The following FAT4 variants were observed in gnomAD, a reference collection of about 807,000 sequenced individuals.
The protein encoded by FAT4 is protocadherin Fat 4.
Under a neutral mutation model 303.9 loss-of-function variants are expected in FAT4, and 84 were observed. The observed-to-expected ratio is 0.28, with a 90% CI of 0.23 to 0.33. The LOEUF (loss-of-function observed/expected upper bound fraction) is 0.33, where lower values mean the gene tolerates loss of function less well. Ranked by LOEUF, FAT4 falls within the 10% of genes least tolerant of loss-of-function variation. The pLI is 1.00. For missense variants in FAT4, 6,005 were observed against 6,146.8 expected, an observed-to-expected ratio of 0.98 and a Z score of 0.77; for synonymous variants, 2,307 against 2,298.8, an observed-to-expected ratio of 1.00 and a Z score of -0.10.
intron 2 of FAT4, among the ~76,000 whole-genome samples, chr4:125,352,626 T>C (rs1223242988): frequency 6.6e-6 from 1 of 151,752 alleles, no homozygotes; most frequent in Non-Finnish European, 1.5e-5. Flanking sequence ...TTTGTGTACA[T>C]CACAATGAGG....
chr4:125,407,327 C>A (rs1009204122), intron 4 of FAT4, among the ~76,000 whole-genome samples, 186 bp downstream of exon 4: 22 of 152,064 alleles, frequency 1.4e-4, no homozygotes, highest in South Asian at 2.1e-4. Context: ...AAGCAAATGG[C>A]TAAATTTTTT....
At position 125,490,254 on chromosome 4, in the gene FAT4, G is replaced by C. The variant is rs768263965; in HGVS notation, c.13438G>C (p.Val4480Leu). The C allele has an allele frequency of 2.5e-6, 4 of 1,614,002 alleles. No homozygotes were observed. In the East Asian group the frequency reaches 8.9e-5, roughly 36 times the overall value. ...TGGCGTCCTCTGTCCTCAGGGGAAGGTGTGCAAAGCTGGAAGTCCTGCGGG... is the reference window on the plus strand; with the variant it reads ...TGGCGTCCTCTGTCCTCAGGGGAAGCTGTGCAAAGCTGGAAGTCCTGCGGG... The part of the protein sequence containing the change: ...CLGVLCPQGK[V>L]CKAGSPAGHV... The change falls in exon 18 of 18, where the codon GTG (valine) becomes CTG (leucine). Residue 4480 changes from valine to leucine, a missense_variant. Physicochemically the swap from Val to Leu is conservative, Grantham distance 32. Coordinates refer to ENST00000394329, the MANE Select transcript of FAT4 (RefSeq NM_001291303.3).
chr4:125,482,201 A>G (rs115451133), intron 16 of FAT4, among the ~76,000 whole-genome samples: 2 of 152,328 alleles, frequency 1.3e-5, no homozygotes, highest in African/African-American at 4.8e-5. Context: ...ACATTTTGAA[A>G]TTATATGATT....
At position 125,477,451 on chromosome 4, in the gene FAT4, A is replaced by G. The variant is rs1172868401; in HGVS notation, c.12479+117A>G. On this transcript the variant is annotated intron_variant, in intron 14 of 17. Coordinates refer to ENST00000394329, the MANE Select transcript of FAT4 (RefSeq NM_001291303.3). Reference sequence around the variant, plus strand: ...AATCTCTAAAAATACCAAATGATTTACATTGTTTTGAATTTTAAATACTAT... The same window carrying G: ...AATCTCTAAAAATACCAAATGATTTGCATTGTTTTGAATTTTAAATACTAT... The G allele has an allele frequency of 2.1e-5, 20 of 968,528 alleles. No individual in the cohort carries two copies. The South Asian group carries it at 2.1e-4, about 10-fold the overall frequency. The allele number at this position is 968,528 out of a possible 1,614,324, so 60.0% of individuals were successfully genotyped here.
Position 125,407,266 on chromosome 4 carries a change from T to C in FAT4, c.5569+125T>C, listed in dbSNP as rs1255218642. 1.1e-5 allele frequency: 9 copies of C among 847,628 alleles called. No homozygotes were observed. The African/African-American group carries it at 1.6e-4, about 15-fold the overall frequency. 52.5% of individuals were successfully genotyped at this position (847,628 alleles called of 1,614,324 possible). A position where few individuals can be genotyped will look rare whatever the true frequency, so the allele number is the denominator to read the frequency against. On this transcript the variant is annotated intron_variant, in intron 4 of 17. Coordinates refer to ENST00000394329, the MANE Select transcript of FAT4 (RefSeq NM_001291303.3). The stretch of plus-strand genomic sequence containing the variant: ...TCATATACTACTAGTTATAAAAATA[T>C]ATATGCTGGATTGTTGGATCTTTTC...
At position 125,479,989 on chromosome 4, in the gene FAT4, G is replaced by C. The variant is rs567178649; in HGVS notation, c.12604+124G>C. Reference sequence around the variant, plus strand: ...ATTCTAAATATTAAAATATTAAATGGACAATAATTGGTAAAATACAGTGAC... The same window carrying C: ...ATTCTAAATATTAAAATATTAAATGCACAATAATTGGTAAAATACAGTGAC... On this transcript the variant is annotated intron_variant, in intron 15 of 17. Transcript: ENST00000394329. 98 of 698,924 alleles carry C rather than the reference G, an allele frequency of 1.4e-4. No homozygotes were observed. The African/African-American group carries it at 1.7e-3, about 12-fold the overall frequency. The allele number at this position is 698,924 out of a possible 1,614,324, so 43.3% of individuals were successfully genotyped here.
intron 2 of FAT4, among the ~76,000 whole-genome samples, chr4:125,330,199 A>G (rs916084875): frequency 1.0e-4 from 15 of 148,984 alleles, no homozygotes; most frequent in Non-Finnish European, 4.5e-5. Context: ...AGCCTGGACA[A>G]CAACCTCCCA....
At position 125,406,853 on chromosome 4, in the gene FAT4, G is replaced by C. The variant is rs771941754; in HGVS notation, c.5308-27G>C. 6 of 1,607,134 alleles carry C rather than the reference G, an allele frequency of 3.7e-6. 1 individual carries two copies. The South Asian group carries it at 6.6e-5, about 18-fold the overall frequency. ...GAGCAATGCTTTTCTACTTCCAATA[G>C]CTCAGATGCTTGGTCTCTTTTTTTA... On this transcript the variant is annotated intron_variant, in intron 3 of 17. Transcript: ENST00000394329.
rs1156367028 is a variant in FAT4 at position 125,315,909 on chromosome 4, A to G, written c.-81A>G. The stretch of plus-strand genomic sequence containing the variant: ...AGAAATTCGATTCTCCCGGTTCCCC[A>G]CCACCCCTTCCCCGGTGCGCAGTTG... On this transcript the variant is annotated 5_prime_UTR_variant, in exon 1 of 18. Coordinates refer to ENST00000394329, the MANE Select transcript of FAT4 (RefSeq NM_001291303.3). Among the ~76,000 whole-genome samples, 1 of 152,104 alleles carries G rather than the reference A, an allele frequency of 6.6e-6. No individual in the cohort carries two copies. The highest frequency in any genetic ancestry group is 2.4e-5 in the African/African-American group (1 of 41,430).
chr4:125,476,136 C>A (rs1311326818), intron 12 of FAT4, 35 bp from the exon 13 acceptor site: 3 of 1,413,856 alleles, frequency 2.1e-6, no homozygotes, highest in Non-Finnish European at 2.0e-6. Flanking sequence ...GACGGTAGAA[C>A]TCAAAGTTGA....
chr4:125,355,145 A>G (rs1732378042), intron 2 of FAT4, among the ~76,000 whole-genome samples: 2 of 152,042 alleles, frequency 1.3e-5, no homozygotes, highest in Admixed American at 6.6e-5. Flanking sequence ...CCTTCATATG[A>G]GGTATTGACA....
chr4:125,485,388 T>C (rs952934444), intron 16 of FAT4, among the ~76,000 whole-genome samples: 1 of 152,114 alleles, frequency 6.6e-6, no homozygotes, highest in African/African-American at 2.4e-5. Flanking sequence ...TTCCATAAGC[T>C]TTTTTTCTAT....
chr4:125,459,669 G>A (rs1306330632), intron 10 of FAT4, among the ~76,000 whole-genome samples: 1 of 152,050 alleles, frequency 6.6e-6, no homozygotes, highest in Non-Finnish European at 1.5e-5. Flanking sequence ...TTGAGTTCAA[G>A]AGGAATAAAT....
chr4:125,364,569 T>C (rs1732794549), intron 2 of FAT4, among the ~76,000 whole-genome samples: 1 of 151,972 alleles, frequency 6.6e-6, no homozygotes. Flanking sequence ...GGAAGTGATA[T>C]TTAAACTGCG....
chr4:125,448,721 G>A lies in FAT4; in HGVS notation c.7711G>A (p.Ala2571Thr), dbSNP rs1420345578. 2 of 1,613,760 alleles carry A rather than the reference G, an allele frequency of 1.2e-6. No individual in the cohort carries two copies. Among genetic ancestry groups the A allele is most frequent in the Non-Finnish European group, 1.7e-6 (2 of 1,179,902 alleles). The change falls in exon 10 of 18, where the codon GCC (alanine) becomes ACC (threonine). Residue 2571 changes from alanine to threonine, a missense_variant. Transcript: ENST00000394329. The part of the protein sequence containing the change: ...VNKADFPKVR[A>T]KEQTFMFPEN... The stretch of plus-strand genomic sequence containing the variant: ...TAAGGCCGATTTCCCTAAAGTGAGA[G>A]CCAAAGAACAAACGTTCATGTTTCC...
intron 2 of FAT4, among the ~76,000 whole-genome samples, chr4:125,344,464 A>G (rs1175379593): frequency 6.6e-6 from 1 of 152,164 alleles, no homozygotes; most frequent in Non-Finnish European, 1.5e-5. Context: ...AGCATACCTT[A>G]AACACCAATT....
Position 125,318,718 on chromosome 4 carries a change from C to T in FAT4, c.2307C>T (p.Gly769=). 1 of 1,613,922 alleles carries T rather than the reference C, an allele frequency of 6.2e-7. No individual in the cohort carries two copies. The highest frequency in any genetic ancestry group is 1.3e-5 in the African/African-American group (1 of 75,032). ...TGCAAATAGTAGCTACTGATGGTGG[C>T]AATTTACAATCTCCCAACCAGGCAA... ...YQLQIVATDG[G]NLQSPNQAIV... Residue 769 remains glycine (G), a synonymous_variant, in exon 2 of 18, where the codon GGC becomes GGT. Coordinates refer to ENST00000394329, the MANE Select transcript of FAT4 (RefSeq NM_001291303.3).
At chr4:125,435,627 G>A (rs747566481) in intron 8 of FAT4, among the ~76,000 whole-genome samples, 2 of 152,168 alleles carry the variant, frequency 1.3e-5, no homozygotes, top group Non-Finnish European at 2.9e-5. Context: ...TGAAAGGACT[G>A]AGCTATGGAA....
At chr4:125,386,091 C>T (rs1370127246) in intron 2 of FAT4, among the ~76,000 whole-genome samples, 1 of 152,096 alleles carries the variant, frequency 6.6e-6, no homozygotes, top group Non-Finnish European at 1.5e-5. Flanking sequence ...AGTTGGTTCA[C>T]CTCCTTCTTA....
Sources: gnomAD v4.1 joint callset for allele counts (sites outside exome capture counted in the v4.1 genomes callset) on GRCh38, gnomAD v4.1.1 for gene constraint, MANE v1.5 for transcripts, NCBI Gene and HGNC (gene_info 2026-07-23, HGNC 2026-07-21) for gene names.